RNF157: variants seen among roughly 807,000 people sequenced by gnomAD.
RNF157 encodes the protein E3 ubiquitin ligase RNF157.
A neutral mutation model predicts 88.3 loss-of-function variants in RNF157; 55 were observed. The ratio of observed to expected loss-of-function variants is 0.62; its 90% confidence interval spans 0.50 to 0.78. The LOEUF is 0.78. Among genes scored for constraint, RNF157 ranks in the 30% least tolerant of loss-of-function variants. The probability of loss-of-function intolerance (pLI) is 0.00; values close to 1 mark genes in which losing one functional copy is unlikely to be tolerated. For synonymous variants in RNF157, 334 were observed against 341.2 expected (o/e 0.98, Z 0.23); for missense variants, 788 against 860.8 (o/e 0.92, Z 1.06).
intron 2 of RNF157, among the ~76,000 whole-genome samples, chr17:76,200,389 G>C (rs953562340): frequency 1.3e-5 from 2 of 152,230 alleles, no homozygotes; most frequent in African/African-American, 4.8e-5. Context: ...ATATTATTCA[G>C]CCTTAAAAAG....
In RNF157 at chr17:76,155,242, T is replaced by C. The variant is rs763575822; in HGVS notation, c.1764+10A>G. On this transcript the variant is annotated intron_variant, in intron 16 of 18. Coordinates refer to ENST00000269391, the MANE Select transcript of RNF157 (RefSeq NM_052916.3). ...GGGAAGGGGGCACCACTCCGTGCTG[T>C]TGGGGTTACCTCTGCATCCTGCTCT... The C allele has an allele frequency of 3.1e-6, 5 of 1,613,284 alleles. No individual in the cohort carries two copies. Among genetic ancestry groups the C allele is most frequent in the African/African-American group, 1.3e-5 (1 of 74,930 alleles).
At chr17:76,164,882 G>T in intron 7 of RNF157, 87 bp from the exon 8 acceptor site, 1 of 912,688 alleles carries the variant, frequency 1.1e-6, no homozygotes, top group Non-Finnish European at 1.7e-6. Context: ...AGTTACAGTC[G>T]CCCTCCCTGA....
chr17:76,194,885 G>C (rs1329621170), intron 2 of RNF157, among the ~76,000 whole-genome samples: 1 of 152,008 alleles, frequency 6.6e-6, no homozygotes, highest in African/African-American at 2.4e-5. Flanking sequence ...CGTGGTGGCG[G>C]GCGCCTGTAG....
At position 76,167,737 on chromosome 17, in the gene RNF157, A is replaced by T. The variant is rs751984563; in HGVS notation, c.357T>A (p.Asn119Lys). ...EEASKAKVHYNVEFTFDTDAR... is the reference protein window; with the variant it reads ...EEASKAKVHYKVEFTFDTDAR... ...CATCTGTGTCAAAGGTGAACTCAAC[A>T]TTGTAGTGGACTTTAGCTTTACTGG... The change falls in exon 4 of 19, where the codon AAT (asparagine) becomes AAA (lysine). Residue 119 changes from asparagine to lysine, a missense_variant. Asn to Lys is a moderately conservative substitution (Grantham distance 94, BLOSUM62 0). Coordinates refer to ENST00000269391, the MANE Select transcript of RNF157 (RefSeq NM_052916.3). The T allele has an allele frequency of 1.2e-6, 2 of 1,614,156 alleles. No homozygotes were observed. Among genetic ancestry groups the T allele is most frequent in the South Asian group, 2.2e-5 (2 of 91,086 alleles).
intron 1 of RNF157, chr17:76,226,342 G>A: frequency 6.2e-7 from 1 of 1,600,188 alleles, no homozygotes; most frequent in Non-Finnish European, 8.6e-7. Flanking sequence ...AGGTGAAGGG[G>A]GCAACCTGGT....
At chr17:76,204,885 A>G (rs996025382) in intron 2 of RNF157, among the ~76,000 whole-genome samples, 3 of 151,508 alleles carry the variant, frequency 2.0e-5, no homozygotes, top group African/African-American at 7.3e-5. Context: ...CCTGGGTTCA[A>G]GCGATTCTCC....
intron 2 of RNF157, among the ~76,000 whole-genome samples, chr17:76,188,140 C>T (rs1367506468): frequency 6.6e-6 from 1 of 152,156 alleles, no homozygotes; most frequent in Non-Finnish European, 1.5e-5. Flanking sequence ...CATTTAAAGA[C>T]CGGATATAGT....
chr17:76,228,402 G>A (rs1238463730), intron 1 of RNF157, among the ~76,000 whole-genome samples: 1 of 152,074 alleles, frequency 6.6e-6, no homozygotes, highest in African/African-American at 2.4e-5. Context: ...CTTTCTTCCA[G>A]TCTCAAGGAG....
intron 3 of RNF157, among the ~76,000 whole-genome samples, chr17:76,173,217 T>C (rs1227039722): frequency 6.6e-6 from 1 of 151,412 alleles, no homozygotes; most frequent in Non-Finnish European, 1.5e-5. Context: ...ACCCTGGAGA[T>C]GGAGCGTGCA....
intron 2 of RNF157, among the ~76,000 whole-genome samples, chr17:76,183,724 G>C (rs1162180856): frequency 1.3e-5 from 2 of 150,794 alleles, no homozygotes; most frequent in African/African-American, 4.9e-5. Context: ...AGGAAGAGCT[G>C]TCCTTTATCA....
At chr17:76,210,514 C>G (rs181857403) in intron 2 of RNF157, among the ~76,000 whole-genome samples, 1 of 132,974 alleles carries the variant, frequency 7.5e-6, no homozygotes, top group Admixed American at 8.5e-5. Context: ...GGCGTGAACC[C>G]GGGAGGCAGA....
chr17:76,214,333 G>T (rs377384433), intron 1 of RNF157, among the ~76,000 whole-genome samples: 1 of 152,144 alleles, frequency 6.6e-6, no homozygotes, highest in Admixed American at 6.5e-5. Context: ...TGCTTGTGTT[G>T]TGAGTGTATA....
At chr17:76,162,935 A>C (rs1244131375) in intron 8 of RNF157, 1 of 202,206 alleles carries the variant, frequency 4.9e-6, no homozygotes, top group East Asian at 1.1e-4. Context: ...GACTAGAAAA[A>C]GGATGGAAGG....
intron 1 of RNF157, among the ~76,000 whole-genome samples, chr17:76,236,354 G>A (rs2070282506): frequency 6.6e-6 from 1 of 152,168 alleles, no homozygotes; most frequent in African/African-American, 2.4e-5. Flanking sequence ...TTATCAATGT[G>A]GACTTTTATC....
chr17:76,240,188 G>C lies in RNF157; in HGVS notation c.53C>G (p.Pro18Arg). ...QHAGVEEVDIPSNSVYRYPPK... is the reference protein window; with the variant it reads ...QHAGVEEVDIRSNSVYRYPPK... ...CGGGTAGCGGTACACGGAATTAGAC[G>C]GGATGTCCACCTCCTCCACGCCCGC... The change falls in exon 1 of 19, where the codon CCG becomes CGG. Residue 18 changes from proline to arginine, a missense_variant. Pro to Arg is a moderately radical substitution (Grantham distance 103). Transcript: ENST00000269391. The surrounding 1 kb of genome is among the most constrained non-coding windows in gnomAD (Gnocchi z 4.4). The C allele has an allele frequency of 1.4e-6, 2 of 1,408,728 alleles. No homozygotes were observed. Among genetic ancestry groups the C allele is most frequent in the Non-Finnish European group, 1.9e-6 (2 of 1,068,078 alleles). The allele number at this position is 1,408,728 out of a possible 1,614,324, so 87.3% of individuals were successfully genotyped here.
In RNF157 at chr17:76,236,867, AGGTG is replaced by A. The variant is rs1483883646; in HGVS notation, c.88+3282_88+3285del. Among the ~76,000 whole-genome samples the A allele has an allele frequency of 2.3e-3, 350 of 152,366 alleles. 4 individuals are homozygous for A. Among genetic ancestry groups the A allele is most frequent in the African/African-American group, 8.0e-3 (332 of 41,600 alleles). ...AATATCTCTGAAAGCAAACAGAGCA[AGGTG>A]TAGAACAGTCTAATAGCATGCTATG... On this transcript the variant is annotated intron_variant, in intron 1 of 18. Transcript: ENST00000269391.
intron 2 of RNF157, among the ~76,000 whole-genome samples, chr17:76,185,415 T>G (rs1245054993): frequency 2.6e-5 from 4 of 151,998 alleles, no homozygotes; most frequent in Non-Finnish European, 5.9e-5. Flanking sequence ...GCAGACACAG[T>G]CATCTTTTCC....
Position 76,226,098 on chromosome 17 carries a change from A to G in RNF157, c.89-13616T>C, listed in dbSNP as rs2070079466. 1.9e-6 allele frequency: 3 copies of G among 1,601,886 alleles called. No individual in the cohort carries two copies. The East Asian group carries it at 6.7e-5, about 36-fold the overall frequency. On this transcript the variant is annotated intron_variant, in intron 1 of 18. Coordinates refer to ENST00000269391, the MANE Select transcript of RNF157 (RefSeq NM_052916.3). ...CTCCTATTTGGAGAGCCCCTGGTAG[A>G]GGGGCTATGCTGAGGAGACCCCAGA... is the stretch of plus-strand genomic sequence containing the variant.
At chr17:76,177,134 G>A (rs921322988) in intron 2 of RNF157, among the ~76,000 whole-genome samples, 1 of 151,276 alleles carries the variant, frequency 6.6e-6, no homozygotes, top group African/African-American at 2.5e-5. Context: ...CACTGGCCCC[G>A]GCCCTGGCCC....
Sources: allele counts gnomAD v4.1 joint callset (sites outside exome capture counted in the v4.1 genomes callset), GRCh38; gene constraint gnomAD v4.1.1; non-coding constraint Gnocchi (gnomAD v3.1); transcripts MANE v1.5; gene names NCBI Gene and HGNC (gene_info 2026-07-23, HGNC 2026-07-21).